KDM2B: variants seen among roughly 807,000 people sequenced by gnomAD.
KDM2B encodes the protein lysine demethylase 2B.
A neutral mutation model predicts 150.0 loss-of-function variants in KDM2B; 26 were observed. The ratio of observed to expected loss-of-function variants is 0.17; its 90% CI spans 0.13 to 0.24. The LOEUF (loss-of-function observed/expected upper bound fraction) is 0.24, where lower values mean the gene tolerates loss of function less well. KDM2B is among the 10% of genes least tolerant of loss of function. The pLI is 1.00. For synonymous variants in KDM2B, 734 were observed against 729.5 expected, an observed-to-expected ratio of 1.01 and a Z score of -0.10; for missense variants, 1,265 against 1,816.9, an observed-to-expected ratio of 0.70 and a Z score of 5.52.
At position 121,429,150 on chromosome 12, in the gene KDM2B, C is replaced by A. The variant is rs1872672927; in HGVS notation, c.*1138G>T. Reference sequence around the variant, plus strand: ...CTGGGCTTAAACTTCTAGTCCACTCCTAGAACAGAAACCCTCAAAGTTCAA... The same window carrying A: ...CTGGGCTTAAACTTCTAGTCCACTCATAGAACAGAAACCCTCAAAGTTCAA... On this transcript the variant is annotated 3_prime_UTR_variant, in exon 23 of 23. Coordinates refer to ENST00000377071, the MANE Select transcript of KDM2B (RefSeq NM_032590.5). 1 of 152,618 alleles carries A rather than the reference C, an allele frequency of 6.6e-6. No individual in the cohort carries two copies. The highest frequency in any genetic ancestry group is 6.5e-5 in the Admixed American group (1 of 15,276). The allele number at this position is 152,618 out of a possible 1,614,324, so 9.5% of individuals were successfully genotyped here.
At chr12:121,525,666 G>A (rs371302646) in intron 8 of KDM2B, among the ~76,000 whole-genome samples, 6 of 152,072 alleles carry the variant, frequency 3.9e-5, no homozygotes, top group Admixed American at 6.6e-5. Flanking sequence ...AGTTTCCCAC[G>A]GCCCCAACCC....
chr12:121,444,407 C>A, intron 15 of KDM2B, 43 bp downstream of exon 15: 1 of 1,609,384 alleles, frequency 6.2e-7, no homozygotes, highest in South Asian at 1.1e-5. Context: ...CCCAGGCCCG[C>A]CCCTCTCCCG....
chr12:121,517,211 T>A (rs1555305182), intron 9 of KDM2B, among the ~76,000 whole-genome samples: 3 of 151,912 alleles, frequency 2.0e-5, no homozygotes, highest in Non-Finnish European at 4.4e-5. Flanking sequence ...CACTCTTCCA[T>A]CACTCTTCAT....
At chr12:121,529,928 CAAAA>C (rs782115700) in intron 8 of KDM2B, among the ~76,000 whole-genome samples, 1 of 97,982 alleles carries the variant, frequency 1.0e-5, no homozygotes. Flanking sequence ...GACTCTGTCT[CAAAA>C]AAAAAAAAAA....
At chr12:121,481,272 G>A (rs1882102637) in intron 12 of KDM2B, among the ~76,000 whole-genome samples, 1 of 152,062 alleles carries the variant, frequency 6.6e-6, no homozygotes, top group Admixed American at 6.6e-5. Context: ...CTGATGAGAT[G>A]TTTCTGTTCG....
rs1293885146 is a variant in KDM2B at position 121,468,382 on chromosome 12, C to T, written c.1735-15038G>A. ...CTCTGAAAGAGCTCATGACCATGAG[C>T]TAGAACGACCAAAGCTGTTATAAGC... On this transcript the variant is annotated intron_variant, in intron 12 of 22. Coordinates refer to ENST00000377071, the MANE Select transcript of KDM2B (RefSeq NM_032590.5). This position sits in a 1 kb window ranked among gnomAD's most constrained non-coding sequence, Gnocchi z 4.0. The T allele has an allele frequency of 1.3e-5, 2 of 152,178 alleles. No individual in the cohort carries two copies. The highest frequency in any genetic ancestry group is 1.3e-4 in the Admixed American group (2 of 15,260). 9.4% of individuals were successfully genotyped at this position (152,178 alleles called of 1,614,324 possible).
intron 8 of KDM2B, among the ~76,000 whole-genome samples, chr12:121,523,880 T>A (rs1886904328): frequency 6.6e-6 from 1 of 152,110 alleles, no homozygotes; most frequent in African/African-American, 2.4e-5. Context: ...CAGCTTCCCA[T>A]CCCACGACCT....
chr12:121,433,288 G>GCTGA, intron 22 of KDM2B: 1 of 432,736 alleles, frequency 2.3e-6, no homozygotes, highest in South Asian at 1.6e-5. Context: ...CCACAGGCAG[G>GCTGA]CTGACAGATG....
At chr12:121,473,388 C>CAA (rs138780057) in intron 12 of KDM2B, among the ~76,000 whole-genome samples, 6,249 of 111,648 alleles carry the variant, frequency 0.056, 200 homozygotes, top group African/African-American at 0.11. Flanking sequence ...GACTCTGTCT[C>CAA]AAAAAAAAAA....
chr12:121,571,583 C>T (rs1408133413), intron 4 of KDM2B, among the ~76,000 whole-genome samples: 8 of 151,336 alleles, frequency 5.3e-5, no homozygotes, highest in South Asian at 2.1e-4. Flanking sequence ...CGTGAGCCAC[C>T]GCGCCCAACC....
Position 121,521,134 on chromosome 12 carries a change from C to T in KDM2B, c.932-34G>A. 6.7e-7 allele frequency: 1 copy of T among 1,500,736 alleles called. No homozygotes were observed. Among genetic ancestry groups the T allele is most frequent in the South Asian group, 1.1e-5 (1 of 88,736 alleles). 93.0% of individuals were successfully genotyped at this position (1,500,736 alleles called of 1,614,324 possible). A position where few individuals can be genotyped will look rare whatever the true frequency, so the allele number is the denominator to read the frequency against. ...GGAAGGGCAAGGAGAGGATGAGCCG[C>T]TGGCCCCTGTGGGCTCCCACACCTC... On this transcript the variant is annotated intron_variant, in intron 8 of 22. Coordinates refer to ENST00000377071, the MANE Select transcript of KDM2B (RefSeq NM_032590.5). This position sits in a 1 kb window ranked among gnomAD's most constrained non-coding sequence, Gnocchi z 4.9.
intron 4 of KDM2B, among the ~76,000 whole-genome samples, chr12:121,565,715 C>A (rs914637393): frequency 1.3e-5 from 2 of 152,100 alleles, no homozygotes; most frequent in Middle Eastern, 3.4e-3. Flanking sequence ...ACCTCCGCCC[C>A]ACCGGGTTCA....
the KDM2B span, among the ~76,000 whole-genome samples, chr12:121,414,000 T>G: frequency 6.6e-6 from 1 of 152,252 alleles, no homozygotes; most frequent in Non-Finnish European, 1.5e-5. Context: ...CTTCTTTACC[T>G]TCTCCTTTCT....
chr12:121,415,010 C>T, the KDM2B span, among the ~76,000 whole-genome samples: 52 of 152,142 alleles, frequency 3.4e-4, no homozygotes, highest in Admixed American at 2.8e-3. Context: ...GCAGGAGAAT[C>T]GCTTGAGCCC....
intron 8 of KDM2B, among the ~76,000 whole-genome samples, chr12:121,522,450 G>T (rs879986480): frequency 3.0e-4 from 46 of 151,460 alleles, no homozygotes; most frequent in South Asian, 8.3e-4. Context: ...GGAAGGTGAG[G>T]TTGCAGTGAG....
rs76102173 is a variant in KDM2B, at chr12:121,465,903, G to T, written c.1735-12559C>A. Among the ~76,000 whole-genome samples, 666 of 152,248 alleles carry T rather than the reference G, an allele frequency of 4.4e-3. 5 individuals carry two copies. The highest frequency in any genetic ancestry group is 0.015 in the African/African-American group (622 of 41,536). On this transcript the variant is annotated intron_variant, in intron 12 of 22. Coordinates refer to ENST00000377071, the MANE Select transcript of KDM2B (RefSeq NM_032590.5). Reference sequence around the variant, plus strand: ...ACTTTGAGAGCCATTCACACGTAGGGCTACTGACTTAATAAAAGTTCAAGC... The same window carrying T: ...ACTTTGAGAGCCATTCACACGTAGGTCTACTGACTTAATAAAAGTTCAAGC...
Position 121,439,885 on chromosome 12 carries a change from T to A in KDM2B, c.3801A>T (p.Arg1267=). ...ACAGGTTGATCTCGGTTAAGGAGTCTCGGGTGGTGGTGCCAACAGCAGTGA... is the reference window on the plus strand; with the variant it reads ...ACAGGTTGATCTCGGTTAAGGAGTCACGGGTGGTGGTGCCAACAGCAGTGA... ...NLLTAVGTTT[R]DSLTEINLSD... Residue 1267 remains arginine (R), a synonymous_variant, in exon 22 of 23, where the codon CGA becomes CGT. Transcript: ENST00000377071. 1 of 1,614,156 alleles carries A rather than the reference T, an allele frequency of 6.2e-7. No homozygotes were observed.
At chr12:121,561,626 T>A (rs1555313840) in intron 4 of KDM2B, among the ~76,000 whole-genome samples, 1 of 152,192 alleles carries the variant, frequency 6.6e-6, no homozygotes, top group Admixed American at 6.5e-5. Context: ...CAACTCAATG[T>A]GCCCGGAACC....
chr12:121,494,493 T>G (rs1555300490), intron 12 of KDM2B, 86 bp downstream of exon 12: 1 of 944,320 alleles, frequency 1.1e-6, no homozygotes, highest in Non-Finnish European at 1.7e-6. Flanking sequence ...GCCCCATAGC[T>G]ACCCAAAAAG....
Sources: allele counts gnomAD v4.1 joint callset (sites outside exome capture counted in the v4.1 genomes callset), GRCh38; gene constraint gnomAD v4.1.1; non-coding constraint Gnocchi (gnomAD v3.1); transcripts MANE v1.5; gene names NCBI Gene and HGNC (gene_info 2026-07-23, HGNC 2026-07-21).